Variants in NR2F2 observed in about 807,000 individuals in gnomAD.
NR2F2 encodes COUP transcription factor 2.
NR2F2 carries 2 observed loss-of-function variants against 34.8 expected under a neutral mutation model. The observed-to-expected ratio is 0.06, with a 90% CI of 0.02 to 0.18. The LOEUF (loss-of-function observed/expected upper bound fraction) is 0.18. NR2F2 is among the 10% of genes least tolerant of loss of function. NR2F2 has a pLI of 1.00. For synonymous variants in NR2F2, 274 were observed against 251.8 expected, an observed-to-expected ratio of 1.09 and a Z score of -0.84; for missense variants, 300 against 580.1, an observed-to-expected ratio of 0.52 and a Z score of 4.96.
At chr15:96,327,334 C>A (rs1441630562), upstream of NR2F2, 1 of 152,188 alleles carries the variant, frequency 6.6e-6, no homozygotes, top group Non-Finnish European at 1.5e-5. Flanking sequence ...CCTATGCCTA[C>A]GTGAGTCCAA....
At position 96,334,178 on chromosome 15, in the gene NR2F2, T is replaced by C; in HGVS notation, c.545T>C (p.Ile182Thr). 6.2e-7 allele frequency: 1 copy of C among 1,614,190 alleles called. No individual in the cohort carries two copies. Among genetic ancestry groups the C allele is most frequent in the Non-Finnish European group, 8.5e-7 (1 of 1,180,036 alleles). ...LNCHSYLSGYISLLLRAEPYP... is the reference protein window; with the variant it reads ...LNCHSYLSGYTSLLLRAEPYP... ...TGCCACTCGTACCTGTCCGGATATATTTCCCTGCTGTTGCGCGCGGAGCCC... is the reference window on the plus strand; with the variant it reads ...TGCCACTCGTACCTGTCCGGATATACTTCCCTGCTGTTGCGCGCGGAGCCC... The change falls in exon 2 of 3, where the codon ATT (isoleucine) becomes ACT (threonine). Residue 182 changes from isoleucine to threonine, a missense_variant. Transcript: ENST00000394166.
rs551936462 is a variant in NR2F2 at position 96,332,234 on chromosome 15, C to T, written c.129C>T (p.Pro43=). Reference sequence around the variant, plus strand: ...GCGCCCCGCACACGCCACAGACGCCCGGCCAAGGGGGCCCAGCCAGCACGC... The same window carrying T: ...GCGCCCCGCACACGCCACAGACGCCTGGCCAAGGGGGCCCAGCCAGCACGC... ...PPGAPHTPQT[P]GQGGPASTPA... The change falls in exon 1 of 3, where the codon CCC becomes CCT. Residue 43 remains proline, a synonymous_variant. Transcript: ENST00000394166. 4 of 1,534,486 alleles carry T rather than the reference C, an allele frequency of 2.6e-6. No homozygotes were observed. The highest frequency in any genetic ancestry group is 2.5e-5 in the East Asian group (1 of 40,508).
chr15:96,337,196 C>T (rs1339159615), intron 2 of NR2F2, 152 bp from the exon 3 acceptor site: 3 of 700,624 alleles, frequency 4.3e-6, no homozygotes, highest in Non-Finnish European at 6.5e-6. Flanking sequence ...TAGACATTTG[C>T]TCCAACTCCG....
intron 1 of NR2F2, chr15:96,333,459 C>T: frequency 1.0e-6 from 1 of 1,003,554 alleles, no homozygotes; most frequent in Non-Finnish European, 1.2e-6. Flanking sequence ...GGCTTCCTCT[C>T]TCTTTAGCCG....
Position 96,331,457 on chromosome 15 carries a change from C to G in NR2F2, c.-649C>G. 1 of 1,231,622 alleles carries G rather than the reference C, an allele frequency of 8.1e-7. No individual in the cohort carries two copies. Among genetic ancestry groups the G allele is most frequent in the Non-Finnish European group, 1.0e-6 (1 of 988,200 alleles). 76.3% of individuals were successfully genotyped at this position (1,231,622 alleles called of 1,614,324 possible). A position where few individuals can be genotyped will look rare whatever the true frequency, so the allele number is the denominator to read the frequency against. ...GCCCGCACCCGGCGCCTCCGATCTC[C>G]TAGTCCTCCTGATTTCGATGGCTTT... On this transcript the variant is annotated 5_prime_UTR_variant, in exon 1 of 3. Transcript: ENST00000394166.
intron 1 of NR2F2, chr15:96,333,678 C>T (rs1899226781): frequency 6.3e-6 from 7 of 1,111,750 alleles, no homozygotes; most frequent in South Asian, 3.6e-5. Context: ...GCGCCTCACC[C>T]TCCCCCCAGA....
chr15:96,332,454 G>A lies in NR2F2; in HGVS notation c.349G>A (p.Ala117Thr). 1 of 1,614,190 alleles carries A rather than the reference G, an allele frequency of 6.2e-7. No homozygotes were observed. The highest frequency in any genetic ancestry group is 8.5e-7 in the Non-Finnish European group (1 of 1,180,050). Residue 117 changes from alanine to threonine, a missense_variant, in exon 1 of 3, where the codon GCC becomes ACC. Physicochemically the swap from Ala to Thr is moderately conservative, Grantham distance 58 (BLOSUM62 0). Around this residue, in one of 6 missense-constraint regions of NR2F2, gnomAD observed 15 missense variants for 17.1 expected, o/e 0.88. Coordinates refer to ENST00000394166, the MANE Select transcript of NR2F2 (RefSeq NM_021005.4). ...GAGGAACCTGAGCTACACGTGCCGC[G>A]CCAACCGGAACTGTCCCATCGACCA... ...VRRNLSYTCR[A>T]NRNCPIDQHH... is the part of the protein sequence containing the mutation.
chr15:96,335,335 A>T (rs532872145), intron 2 of NR2F2, among the ~76,000 whole-genome samples: 40 of 152,382 alleles, frequency 2.6e-4, no homozygotes, highest in African/African-American at 8.9e-4. Context: ...GTTGCTAGAG[A>T]TATAAAACCA....
At chr15:96,326,850 G>C (rs2141161596), upstream of NR2F2, 1 of 153,468 alleles carries the variant, frequency 6.5e-6, no homozygotes, top group South Asian at 2.0e-4. The surrounding 1 kb of genome is among the most constrained non-coding windows in gnomAD (Gnocchi z 5.5). Flanking sequence ...TGACAGCCAG[G>C]CAGGCAGGGA....
chr15:96,334,689 C>G, intron 2 of NR2F2, 86 bp downstream of exon 2: 1 of 1,435,714 alleles, frequency 7.0e-7, no homozygotes, highest in South Asian at 1.4e-5. Context: ...CAGGGCAAAC[C>G]CAGTCTGCTC....
chr15:96,333,809 G>A, intron 1 of NR2F2: 3 of 1,388,704 alleles, frequency 2.2e-6, no homozygotes, highest in Non-Finnish European at 2.8e-6. Context: ...CCGAGGCAAG[G>A]TGGCCAATTC....
At position 96,331,140 on chromosome 15, in the gene NR2F2, G is replaced by A; in HGVS notation, c.-966G>A. The stretch of plus-strand genomic sequence containing the variant: ...GGCGGCGCTAGACGCAGCGGCTCCG[G>A]GCCCGACCCGGCGGCTTCGGCGGCG... On this transcript the variant is annotated 5_prime_UTR_variant, in exon 1 of 3. Coordinates refer to ENST00000394166, the MANE Select transcript of NR2F2 (RefSeq NM_021005.4). The A allele has an allele frequency of 1.8e-6, 2 of 1,085,008 alleles. No homozygotes were observed. The highest frequency in any genetic ancestry group is 1.7e-5 in the African/African-American group (1 of 59,218). The allele number at this position is 1,085,008 out of a possible 1,614,324, so 67.2% of individuals were successfully genotyped here. A position where few individuals can be genotyped will look rare whatever the true frequency, so the allele number is the denominator to read the frequency against.
chr15:96,326,659 C>T (rs1269661561), upstream of NR2F2, among the ~76,000 whole-genome samples: 2 of 152,088 alleles, frequency 1.3e-5, no homozygotes, highest in East Asian at 1.9e-4. The surrounding 1 kb of genome is among the most constrained non-coding windows in gnomAD (Gnocchi z 5.5). Context: ...CCTATCTCCT[C>T]GTCCTGTCTC....
chr15:96,333,340 G>A (rs760113813), intron 1 of NR2F2: 1 of 1,001,932 alleles, frequency 1.0e-6, no homozygotes, highest in Non-Finnish European at 1.2e-6. Flanking sequence ...CGACTCTCCC[G>A]GTCCGGAGTC....
rs1899112645 is a variant in NR2F2, at chr15:96,330,814, G to C, written c.-1292G>C. The C allele has an allele frequency of 9.1e-7, 1 of 1,101,098 alleles. No individual in the cohort carries two copies. Among genetic ancestry groups the C allele is most frequent in the Non-Finnish European group, 1.1e-6 (1 of 891,902 alleles). 68.2% of individuals were successfully genotyped at this position (1,101,098 alleles called of 1,614,324 possible). A position where few individuals can be genotyped will look rare whatever the true frequency, so the allele number is the denominator to read the frequency against. ...GTTCTTTTCTCTCCGCGGTGTGTGT[G>C]TGCGTGCGCGCGTGTGTGTTTTCTT... On this transcript the variant is annotated 5_prime_UTR_variant, in exon 1 of 3. Transcript: ENST00000394166.
upstream of NR2F2, among the ~76,000 whole-genome samples, chr15:96,329,794 G>A (rs1377208481): frequency 2.0e-5 from 3 of 152,088 alleles, no homozygotes; most frequent in African/African-American, 7.2e-5. Flanking sequence ...AAACCAGCGA[G>A]AGAGGGTAAA....
chr15:96,331,251 A>G lies in NR2F2; in HGVS notation c.-855A>G. Reference sequence around the variant, plus strand: ...CGACTGCGGGCGGCGGCGGCCGGAGAGAGCGAGGCGCGCGCCGGACGCCCG... The same window carrying G: ...CGACTGCGGGCGGCGGCGGCCGGAGGGAGCGAGGCGCGCGCCGGACGCCCG... On this transcript the variant is annotated 5_prime_UTR_variant, in exon 1 of 3. Transcript: ENST00000394166. 2 of 988,690 alleles carry G rather than the reference A, an allele frequency of 2.0e-6. No individual in the cohort carries two copies. The highest frequency in any genetic ancestry group is 1.2e-6 in the Non-Finnish European group (1 of 833,810). The allele number at this position is 988,690 out of a possible 1,614,324, so 61.2% of individuals were successfully genotyped here.
At chr15:96,333,505 C>A (rs551175771) in intron 1 of NR2F2, 34 of 1,002,564 alleles carry the variant, frequency 3.4e-5, no homozygotes, top group Non-Finnish European at 4.0e-5. Context: ...CCGTCTCTTT[C>A]TCCGAGCACA....
In NR2F2 at chr15:96,339,459, C is replaced by G. The variant is rs1474584577; in HGVS notation, c.*1837C>G. ...TGCAGTTGGTTTCCCTCTCCCCTCC[C>G]CCCCTTTACCTTCAGTCTGTGAGAG... On this transcript the variant is annotated 3_prime_UTR_variant, in exon 3 of 3. Coordinates refer to ENST00000394166, the MANE Select transcript of NR2F2 (RefSeq NM_021005.4). 1 of 152,188 alleles carries G rather than the reference C, an allele frequency of 6.6e-6. No homozygotes were observed. The highest frequency in any genetic ancestry group is 1.5e-5 in the Non-Finnish European group (1 of 68,036). The allele number at this position is 152,188 out of a possible 1,614,324, so 9.4% of individuals were successfully genotyped here. A position where few individuals can be genotyped will look rare whatever the true frequency, so the allele number is the denominator to read the frequency against.
Sources: allele counts gnomAD v4.1 joint callset (sites outside exome capture counted in the v4.1 genomes callset), GRCh38; gene constraint gnomAD v4.1.1; regional missense constraint gnomAD v4.1.1; non-coding constraint Gnocchi (gnomAD v3.1); transcripts MANE v1.5; gene names NCBI Gene and HGNC (gene_info 2026-07-23, HGNC 2026-07-21).